KCNQ1: variants seen among roughly 807,000 people sequenced by gnomAD.
KCNQ1 encodes the protein potassium voltage-gated channel subfamily Q member 1.
A neutral mutation model predicts 72.4 loss-of-function variants in KCNQ1; 49 were observed. The observed-to-expected ratio is 0.68, with a 90% confidence interval of 0.54 to 0.86. The LOEUF is 0.86. Ranked by LOEUF, KCNQ1 falls within the 40% of genes least tolerant of loss-of-function variation. KCNQ1 has a pLI of 0.00. For synonymous variants in KCNQ1, 450 were observed against 412.6 expected, an observed-to-expected ratio of 1.09 and a Z score of -1.10; for missense variants, 790 against 945.1, an observed-to-expected ratio of 0.84 and a Z score of 2.15.
intron 10 of KCNQ1, among the ~76,000 whole-genome samples, chr11:2,607,828 T>A (rs1848906113): frequency 6.6e-6 from 1 of 152,242 alleles, no homozygotes; most frequent in Admixed American, 6.5e-5. Context: ...TAATGTATAA[T>A]CCTTTTTAAA....
rs1160672094 is a variant in KCNQ1, at chr11:2,515,040, T to C, written c.387-12888T>C. Among the ~76,000 whole-genome samples, 4 of 152,164 alleles carry C rather than the reference T, an allele frequency of 2.6e-5. No individual in the cohort carries two copies. The highest frequency in any genetic ancestry group is 9.7e-5 in the African/African-American group (4 of 41,432). On this transcript the variant is annotated intron_variant, in intron 1 of 15. Coordinates refer to ENST00000155840, the MANE Select transcript of KCNQ1 (RefSeq NM_000218.3). The surrounding 1 kb of genome is among the most constrained non-coding windows in gnomAD (Gnocchi z 4.7). ...AAGTCTTTCTTGTTTTTTTATGTTA[T>C]TTTATTTTAGATTTGAGGAGTACAC...
intron 1 of KCNQ1, among the ~76,000 whole-genome samples, chr11:2,511,136 C>T (rs1457424511): frequency 1.3e-5 from 2 of 152,212 alleles, no homozygotes; most frequent in Middle Eastern, 3.2e-3. Flanking sequence ...GCACACACTA[C>T]GTGCCTCCTG....
Position 2,783,037 on chromosome 11 carries a change from G to A in KCNQ1, c.1794+5000G>A, listed in dbSNP as rs538741570. Among the ~76,000 whole-genome samples the A allele has an allele frequency of 5.9e-5, 9 of 151,834 alleles. No homozygotes were observed. Among genetic ancestry groups the A allele is most frequent in the East Asian group, 1.9e-4 (1 of 5,198 alleles). ...TTCAGGCTTCCTAAATTTCCTTTTC[G>A]TTTTAATTTTTCTAACCACTGTCAA... On this transcript the variant is annotated intron_variant, in intron 15 of 15. Transcript: ENST00000155840. The surrounding 1 kb of genome is among the most constrained non-coding windows in gnomAD (Gnocchi z 5.2).
intron 11 of KCNQ1, chr11:2,688,254 G>A: frequency 2.5e-6 from 1 of 398,736 alleles, no homozygotes; most frequent in Non-Finnish European, 4.4e-6. Flanking sequence ...TTTGATCTGA[G>A]AGGGAGGCGC....
chr11:2,638,291 A>G (rs966093539), intron 10 of KCNQ1: 17 of 152,280 alleles, frequency 1.1e-4, no homozygotes, highest in African/African-American at 3.4e-4. Context: ...ACAATTTGTC[A>G]TGTTTTTGCA....
rs1846528405 is a variant in KCNQ1 at position 2,768,053 on chromosome 11, T to C, written c.1515-791T>C. ...TTCTATGTGGGATCCTCACCTTCTA[T>C]GTCTTTCTTGGTCTCCAAAGCCTCA... On this transcript the variant is annotated intron_variant, in intron 11 of 15. Coordinates refer to ENST00000155840, the MANE Select transcript of KCNQ1 (RefSeq NM_000218.3). The surrounding 1 kb of genome is among the most constrained non-coding windows in gnomAD (Gnocchi z 6.7). 6.6e-6 allele frequency among the ~76,000 whole-genome samples: 1 copy of C among 152,194 alleles called. No homozygotes were observed.
chr11:2,568,579 C>T (rs554335597), intron 2 of KCNQ1, among the ~76,000 whole-genome samples: 6 of 152,366 alleles, frequency 3.9e-5, no homozygotes, highest in Admixed American at 6.5e-5. Flanking sequence ...CAAAGACCGA[C>T]GAGACAGAGC....
intron 10 of KCNQ1, chr11:2,656,920 C>G: frequency 2.5e-6 from 1 of 398,598 alleles, no homozygotes; most frequent in East Asian, 3.6e-5. Flanking sequence ...AATTAAGGGT[C>G]CAACTTAATG....
At chr11:2,686,950 G>T (rs1257388425) in intron 11 of KCNQ1, 6 of 398,690 alleles carry the variant, frequency 1.5e-5, no homozygotes, top group Non-Finnish European at 2.7e-5. Context: ...AGCATGCCCA[G>T]CTTACCATCC....
chr11:2,675,457 GA>G (rs1191312560), intron 11 of KCNQ1: 6 of 398,570 alleles, frequency 1.5e-5, no homozygotes, highest in Non-Finnish European at 2.7e-5. Context: ...TCTGAAAATG[GA>G]AAAAAGTTAC....
chr11:2,633,342 A>C, intron 10 of KCNQ1: 1 of 398,436 alleles, frequency 2.5e-6, no homozygotes, highest in Admixed American at 4.4e-5. Flanking sequence ...TTAATAGTTT[A>C]TTATTTCCTT....
In KCNQ1 at chr11:2,695,200, T is replaced by C; in HGVS notation, c.1514+33119T>C. 1 of 398,658 alleles carries C rather than the reference T, an allele frequency of 2.5e-6. No individual in the cohort carries two copies. Among genetic ancestry groups the C allele is most frequent in the Non-Finnish European group, 4.4e-6 (1 of 226,092 alleles). The allele number at this position is 398,658 out of a possible 1,614,324, so 24.7% of individuals were successfully genotyped here. A position where few individuals can be genotyped will look rare whatever the true frequency, so the allele number is the denominator to read the frequency against. ...ACAGCCCTCAGCCTATGAAACACTGTCACCCTGTAAGGGTCTGCATAAAGT... is the reference window on the plus strand; with the variant it reads ...ACAGCCCTCAGCCTATGAAACACTGCCACCCTGTAAGGGTCTGCATAAAGT... On this transcript the variant is annotated intron_variant, in intron 11 of 15. Transcript: ENST00000155840. The surrounding 1 kb of genome is among the most constrained non-coding windows in gnomAD (Gnocchi z 5.2).
Position 2,617,676 on chromosome 11 carries a change from C to G in KCNQ1, c.1393+28822C>G, listed in dbSNP as rs113637415. 6.1e-4 allele frequency: 244 copies of G among 398,480 alleles called. 1 individual carries two copies. Among genetic ancestry groups the G allele is most frequent in the Non-Finnish European group, 8.7e-4 (197 of 225,986 alleles). The allele number at this position is 398,480 out of a possible 1,614,324, so 24.7% of individuals were successfully genotyped here. On this transcript the variant is annotated intron_variant, in intron 10 of 15. Coordinates refer to ENST00000155840, the MANE Select transcript of KCNQ1 (RefSeq NM_000218.3). This position sits in a 1 kb window ranked among gnomAD's most constrained non-coding sequence, Gnocchi z 4.6. Reference sequence around the variant, plus strand: ...ATGACTGCACCAATCTACAGTCCCACCAACACTGTACAAGAGTTCCCTAAC... The same window carrying G: ...ATGACTGCACCAATCTACAGTCCCAGCAACACTGTACAAGAGTTCCCTAAC...
intron 1 of KCNQ1, among the ~76,000 whole-genome samples, chr11:2,506,078 G>A (rs1409276317): frequency 1.3e-5 from 2 of 152,150 alleles, no homozygotes; most frequent in African/African-American, 2.4e-5. Flanking sequence ...GGACAGATGC[G>A]CACTCCTACG....
Position 2,660,724 on chromosome 11 carries a change from A to G in KCNQ1, c.1394-1237A>G, listed in dbSNP as rs61150075. 517 of 398,646 alleles carry G rather than the reference A, an allele frequency of 1.3e-3. 5 individuals are homozygous for G. The highest frequency in any genetic ancestry group is 9.6e-3 in the African/African-American group (466 of 48,770). 24.7% of individuals were successfully genotyped at this position (398,646 alleles called of 1,614,324 possible). On this transcript the variant is annotated intron_variant, in intron 10 of 15. Transcript: ENST00000155840. ...ACAACCTTCATTCGGGCTTCATTCA[A>G]CACTTCATTCAGGCATGGATGTGGG...
rs555149167 is a variant in KCNQ1 at position 2,789,659 on chromosome 11, C to T, written c.1794+11622C>T. Reference sequence around the variant, plus strand: ...CTGCGCTCCGGGATGCTGGGGCCGTCGGCCTCCCCCTTCCCAGGCCCAGCT... The same window carrying T: ...CTGCGCTCCGGGATGCTGGGGCCGTTGGCCTCCCCCTTCCCAGGCCCAGCT... On this transcript the variant is annotated intron_variant, in intron 15 of 15. Coordinates refer to ENST00000155840, the MANE Select transcript of KCNQ1 (RefSeq NM_000218.3). Among the ~76,000 whole-genome samples the T allele has an allele frequency of 2.6e-5, 4 of 152,326 alleles. No homozygotes were observed. In the East Asian group the frequency reaches 7.7e-4, roughly 29 times the overall value.
chr11:2,727,428 G>C (rs1247975246), intron 11 of KCNQ1, among the ~76,000 whole-genome samples: 2 of 152,212 alleles, frequency 1.3e-5, no homozygotes, highest in African/African-American at 4.8e-5. Context: ...GGGACCACCA[G>C]GCCTTGTGCA....
intron 10 of KCNQ1, chr11:2,650,593 G>A: frequency 2.5e-6 from 1 of 398,604 alleles, no homozygotes; most frequent in Non-Finnish European, 4.4e-6. Flanking sequence ...AAGGCAAGAA[G>A]GCTCCTTAGA....
chr11:2,619,786 A>T, intron 10 of KCNQ1: 1 of 397,224 alleles, frequency 2.5e-6, no homozygotes, highest in Non-Finnish European at 4.4e-6. Flanking sequence ...GTATTCTTTG[A>T]ATATTGGGTA....
Sources: allele counts gnomAD v4.1 joint callset (sites outside exome capture counted in the v4.1 genomes callset), GRCh38; gene constraint gnomAD v4.1.1; non-coding constraint Gnocchi (gnomAD v3.1); transcripts MANE v1.5; gene names NCBI Gene and HGNC (gene_info 2026-07-23, HGNC 2026-07-21).